The following DENND5B variants were observed in gnomAD, a reference collection of about 807,000 sequenced individuals.
The protein encoded by DENND5B is DENN domain-containing protein 5B.
Under a neutral mutation model 140.6 loss-of-function variants are expected in DENND5B, and 34 were observed. The observed-to-expected ratio is 0.24, with a 90% CI of 0.18 to 0.32. DENND5B has a LOEUF of 0.32. DENND5B is among the 10% of genes least tolerant of loss of function. The pLI is 1.00. For synonymous variants in DENND5B, 551 were observed against 562.1 expected (o/e 0.98, Z 0.28); for missense variants, 1,142 against 1,560.2 (o/e 0.73, Z 4.52).
chr12:31,548,856 T>C (rs954605365), intron 1 of DENND5B, among the ~76,000 whole-genome samples: 4 of 152,180 alleles, frequency 2.6e-5, no homozygotes, highest in Admixed American at 1.3e-4. Context: ...CTGGTTCCTT[T>C]TGGCATAACA....
At chr12:31,423,827 C>T (rs573225303) in intron 10 of DENND5B, among the ~76,000 whole-genome samples, 152 bp from the exon 11 acceptor site, 22 of 152,304 alleles carry the variant, frequency 1.4e-4, no homozygotes, top group Non-Finnish European at 2.6e-4. Flanking sequence ...GCATCTTCTG[C>T]ATGTATCATA....
intron 4 of DENND5B, among the ~76,000 whole-genome samples, chr12:31,457,783 G>C (rs1021883680): frequency 5.3e-5 from 8 of 150,450 alleles, no homozygotes; most frequent in African/African-American, 1.7e-4. Context: ...ATGCGATCTT[G>C]GCTCACTGCA....
At chr12:31,493,345 T>C (rs1946606287) in intron 2 of DENND5B, among the ~76,000 whole-genome samples, 1 of 152,206 alleles carries the variant, frequency 6.6e-6, no homozygotes, top group East Asian at 1.9e-4. Flanking sequence ...GAATATTAAT[T>C]TCCTTCTGTT....
intron 1 of DENND5B, among the ~76,000 whole-genome samples, chr12:31,571,810 T>C (rs1949832695): frequency 6.6e-6 from 1 of 152,152 alleles, no homozygotes. Flanking sequence ...GGTTTCACCA[T>C]GTTGGCCAGG....
At position 31,447,686 on chromosome 12, in the gene DENND5B, A is replaced by G; in HGVS notation, c.1713T>C (p.Ile571=). Residue 571 remains isoleucine, a synonymous_variant, in exon 6 of 21, where the codon ATT becomes ATC. Coordinates refer to ENST00000389082, the MANE Select transcript of DENND5B (RefSeq NM_144973.4). The part of the protein sequence containing the change: ...FIETQMFATF[I]DNKIMSQWEE... ...CCCACTGAGACATAATTTTATTATC[A>G]ATAAAGGTGGCAAACATCTGTGTTT... 3 of 1,613,248 alleles carry G rather than the reference A, an allele frequency of 1.9e-6. No homozygotes were observed. The highest frequency in any genetic ancestry group is 2.5e-6 in the Non-Finnish European group (3 of 1,179,586).
chr12:31,439,401 T>C (rs1246126105), intron 7 of DENND5B, among the ~76,000 whole-genome samples: 2 of 152,196 alleles, frequency 1.3e-5, no homozygotes, highest in Non-Finnish European at 1.5e-5. Context: ...AACTCCTCCC[T>C]CCTAAGCACT....
intron 19 of DENND5B, among the ~76,000 whole-genome samples, chr12:31,391,416 T>C (rs1353612284): frequency 3.9e-5 from 6 of 152,240 alleles, no homozygotes; most frequent in African/African-American, 1.2e-4. Context: ...TACTGCTCTA[T>C]TTCTTTCCAG....
chr12:31,577,319 A>G (rs1592084372), intron 1 of DENND5B, among the ~76,000 whole-genome samples: 1 of 152,228 alleles, frequency 6.6e-6, no homozygotes, highest in South Asian at 2.1e-4. Context: ...TTCTCCAGGC[A>G]TGGACAGGAA....
intron 13 of DENND5B, among the ~76,000 whole-genome samples, chr12:31,412,295 CAATT>C (rs1298148444): frequency 6.6e-6 from 1 of 152,138 alleles, no homozygotes; most frequent in East Asian, 1.9e-4. Context: ...TAAAAGTTAA[CAATT>C]AATTGACATG....
At chr12:31,508,147 T>A (rs1317646234) in intron 1 of DENND5B, among the ~76,000 whole-genome samples, 1 of 152,142 alleles carries the variant, frequency 6.6e-6, no homozygotes, top group Non-Finnish European at 1.5e-5. Flanking sequence ...GGCTGACAAG[T>A]AACACTATGG....
intron 1 of DENND5B, among the ~76,000 whole-genome samples, chr12:31,504,146 ATATAAAGTTTGGACTTTAAAGTCTACTT>A (rs1297119748): frequency 6.6e-6 from 1 of 152,254 alleles, no homozygotes; most frequent in African/African-American, 2.4e-5. Flanking sequence ...ATCACCATTT[ATATAAAGTTTGGACTTTAAAGTCTACTT>A]TATAGGACAT....
chr12:31,560,303 T>C (rs1392595010), intron 1 of DENND5B, among the ~76,000 whole-genome samples: 1 of 152,228 alleles, frequency 6.6e-6, no homozygotes, highest in Non-Finnish European at 1.5e-5. Context: ...TCCATTTTTC[T>C]TCAACTTACT....
chr12:31,392,791 G>A lies in DENND5B; in HGVS notation c.3257-95C>T, dbSNP rs138664130. On this transcript the variant is annotated intron_variant, in intron 17 of 20. Transcript: ENST00000389082. ...CTGTGTCCACCTAGGCAGGAAATAC[G>A]TCATCAGAGCAGGCTGGCTTTGCCA... 641 of 1,218,648 alleles carry A rather than the reference G, an allele frequency of 5.3e-4. 1 individual carries two copies. The African/African-American group carries it at 7.8e-3, about 15-fold the overall frequency. 75.5% of individuals were successfully genotyped at this position (1,218,648 alleles called of 1,614,324 possible).
chr12:31,578,118 C>T (rs1294341470), intron 1 of DENND5B, among the ~76,000 whole-genome samples: 1 of 111,640 alleles, frequency 9.0e-6, no homozygotes, highest in Non-Finnish European at 1.7e-5. Flanking sequence ...CAAAGTGGGA[C>T]GCTGTCTCAA....
chr12:31,536,652 T>A (rs1948504183), intron 1 of DENND5B, among the ~76,000 whole-genome samples: 1 of 149,190 alleles, frequency 6.7e-6, no homozygotes, highest in Non-Finnish European at 1.5e-5. Flanking sequence ...GAATAGAAGA[T>A]GTATTTAAAA....
chr12:31,571,352 T>C (rs890733054), intron 1 of DENND5B, among the ~76,000 whole-genome samples: 4 of 152,208 alleles, frequency 2.6e-5, no homozygotes, highest in Non-Finnish European at 5.9e-5. Context: ...CCCATCTTAT[T>C]TGTCACTAGT....
intron 3 of DENND5B, among the ~76,000 whole-genome samples, chr12:31,470,333 C>T (rs1276141591): frequency 2.6e-5 from 4 of 151,922 alleles, no homozygotes; most frequent in Non-Finnish European, 5.9e-5. Context: ...AGGCTGGTCT[C>T]GAACTCACAA....
intron 1 of DENND5B, among the ~76,000 whole-genome samples, chr12:31,510,290 T>C (rs1015308015): frequency 2.0e-5 from 3 of 152,216 alleles, no homozygotes; most frequent in Non-Finnish European, 4.4e-5. Context: ...CATTCCTTTC[T>C]GGAGGCTCTG....
At chr12:31,403,594 G>C (rs1468070848) in intron 14 of DENND5B, among the ~76,000 whole-genome samples, 2 of 115,006 alleles carry the variant, frequency 1.7e-5, no homozygotes, top group African/African-American at 7.1e-5. Context: ...CTCTGCCTCA[G>C]AAAAAAAAAA....
Sources: gnomAD v4.1 joint callset for allele counts (sites outside exome capture counted in the v4.1 genomes callset) on GRCh38, gnomAD v4.1.1 for gene constraint, MANE v1.5 for transcripts, NCBI Gene and HGNC (gene_info 2026-07-23, HGNC 2026-07-21) for gene names.